Variants in CNBD1 observed in about 807,000 individuals in gnomAD.
The protein encoded by CNBD1 is cyclic nucleotide binding domain containing 1.
Under a neutral mutation model 54.4 loss-of-function variants are expected in CNBD1, and 71 were observed. The observed-to-expected ratio is 1.30, with a 90% confidence interval of 1.08 to 1.59. The LOEUF (loss-of-function observed/expected upper bound fraction) is 1.59, where lower values mean the gene tolerates loss of function less well. Among genes scored for constraint, CNBD1 ranks in the 40% most tolerant of loss-of-function variants. The probability of loss-of-function intolerance (pLI) is 0.00; values close to 1 mark genes in which losing one functional copy is unlikely to be tolerated. For missense variants in CNBD1, 659 were observed against 518.0 expected, an observed-to-expected ratio of 1.27 and a Z score of -2.64; for synonymous variants, 182 against 170.7, an observed-to-expected ratio of 1.07 and a Z score of -0.51.
At chr8:86,914,792 A>G (rs984727822) in intron 3 of CNBD1, among the ~76,000 whole-genome samples, 2 of 152,208 alleles carry the variant, frequency 1.3e-5, no homozygotes, top group African/African-American at 4.8e-5. Context: ...CACTCTCAGA[A>G]AGAAAAAAGA....
Position 87,408,733 on chromosome 8 carries a change from G to A in CNBD1, c.214-19813G>A, listed in dbSNP as rs530721394. Among the ~76,000 whole-genome samples the A allele has an allele frequency of 7.9e-5, 12 of 152,084 alleles. 1 individual carries two copies. In the Middle Eastern group the frequency reaches 0.014, roughly 172 times the overall value. ...AAGTATATGCTAATTTTGTGTCTCCGTGTCACATGTTAGTAATTCTCTCAG... is the reference window on the plus strand; with the variant it reads ...AAGTATATGCTAATTTTGTGTCTCCATGTCACATGTTAGTAATTCTCTCAG... On this transcript the variant is annotated intron_variant, in intron 2 of 7. Transcript: ENST00000521593.
intron 4 of CNBD1, among the ~76,000 whole-genome samples, chr8:87,060,429 C>T (rs1463390688): frequency 6.6e-6 from 1 of 152,118 alleles, no homozygotes; most frequent in Non-Finnish European, 1.5e-5. Context: ...GAGATAATTT[C>T]AACTTTAATT....
At chr8:87,331,225 CTG>C (rs1563556084) in intron 8 of CNBD1, among the ~76,000 whole-genome samples, 1 of 152,094 alleles carries the variant, frequency 6.6e-6, no homozygotes, top group African/African-American at 2.4e-5. Context: ...TTGCACCCCG[CTG>C]ACAGGTCCAG....
At chr8:87,241,381 C>T (rs1807702001) in intron 6 of CNBD1, among the ~76,000 whole-genome samples, 2 of 150,140 alleles carry the variant, frequency 1.3e-5, no homozygotes, top group East Asian at 3.9e-4. Context: ...CGTCATTCTC[C>T]TGCTTCAGCC....
chr8:86,867,021 A>G (rs79088351), intron 1 of CNBD1, among the ~76,000 whole-genome samples: 3,959 of 152,278 alleles, frequency 0.026, 169 homozygotes, highest in African/African-American at 0.091. Context: ...TGACAAGGAA[A>G]AAAAGATAAT....
chr8:87,007,456 G>C (rs970289419), intron 4 of CNBD1, among the ~76,000 whole-genome samples: 1 of 152,014 alleles, frequency 6.6e-6, no homozygotes, highest in Non-Finnish European at 1.5e-5. Flanking sequence ...GATGTAAAAA[G>C]TATATTTTGA....
chr8:86,871,215 T>C (rs962727375), intron 1 of CNBD1, among the ~76,000 whole-genome samples: 5 of 152,202 alleles, frequency 3.3e-5, no homozygotes, highest in African/African-American at 1.2e-4. Flanking sequence ...TGCAGTGCCT[T>C]GCAAATCACA....
At chr8:87,373,787 GT>G (rs1810868743) in intron 10 of CNBD1, among the ~76,000 whole-genome samples, 1 of 151,676 alleles carries the variant, frequency 6.6e-6, no homozygotes, top group Non-Finnish European at 1.5e-5. Flanking sequence ...TTTAGGATAA[GT>G]TTATATAAAA....
intron 10 of CNBD1, among the ~76,000 whole-genome samples, chr8:87,371,858 A>G (rs1164522791): frequency 6.6e-6 from 1 of 152,002 alleles, no homozygotes. Flanking sequence ...AGAGCTATCT[A>G]TGACAAACCC....
At chr8:87,269,549 G>A (rs561330289) in intron 6 of CNBD1, among the ~76,000 whole-genome samples, 4 of 152,192 alleles carry the variant, frequency 2.6e-5, no homozygotes, top group African/African-American at 9.6e-5. Context: ...TGCTATCCAC[G>A]AGCATGGAAT....
chr8:86,917,184 C>T (rs1809201001), intron 3 of CNBD1, among the ~76,000 whole-genome samples: 1 of 152,104 alleles, frequency 6.6e-6, no homozygotes. Context: ...ATTGAGGAAG[C>T]TGCACCTTCT....
intron 4 of CNBD1, among the ~76,000 whole-genome samples, chr8:87,085,344 T>G (rs550628267): frequency 1.3e-5 from 2 of 152,278 alleles, no homozygotes; most frequent in South Asian, 4.1e-4. Flanking sequence ...TTTCTCAAAT[T>G]TTGTACTTGA....
At chr8:86,981,047 G>A (rs1808475204) in intron 4 of CNBD1, among the ~76,000 whole-genome samples, 1 of 152,202 alleles carries the variant, frequency 6.6e-6, no homozygotes, top group African/African-American at 2.4e-5. Flanking sequence ...AATTGGGCAA[G>A]CTTTGGAAGC....
At chr8:87,169,067 T>G (rs1380651364) in intron 4 of CNBD1, among the ~76,000 whole-genome samples, 1 of 152,056 alleles carries the variant, frequency 6.6e-6, no homozygotes, top group African/African-American at 2.4e-5. Flanking sequence ...AGGGTTCCCT[T>G]TTCTCCATGT....
At chr8:87,293,597 G>C (rs952553007) in intron 8 of CNBD1, among the ~76,000 whole-genome samples, 7 of 152,026 alleles carry the variant, frequency 4.6e-5, no homozygotes, top group African/African-American at 1.7e-4. Flanking sequence ...TAACTACACT[G>C]TACTCCTTAC....
At chr8:87,006,898 C>A (rs183045641) in intron 4 of CNBD1, among the ~76,000 whole-genome samples, 235 of 152,252 alleles carry the variant, frequency 1.5e-3, no homozygotes, top group African/African-American at 5.1e-3. Context: ...GAACATTGTA[C>A]AATAAAACTT....
At chr8:87,198,231 G>A (rs1813761868) in intron 4 of CNBD1, among the ~76,000 whole-genome samples, 1 of 152,118 alleles carries the variant, frequency 6.6e-6, no homozygotes, top group Non-Finnish European at 1.5e-5. Flanking sequence ...AAGCCAGCAG[G>A]CTTGCAGCCA....
chr8:87,092,469 G>GTA (rs1199495623), intron 4 of CNBD1, among the ~76,000 whole-genome samples: 2,214 of 144,820 alleles, frequency 0.015, 77 homozygotes, highest in African/African-American at 0.053. Context: ...GTGTGTGTGT[G>GTA]TATATATATA....
intron 8 of CNBD1, among the ~76,000 whole-genome samples, chr8:87,332,817 G>A (rs1483798169): frequency 6.6e-6 from 1 of 152,118 alleles, no homozygotes; most frequent in African/African-American, 2.4e-5. Context: ...GATGCCTCCA[G>A]CTTTGTTCTT....
Sources: gnomAD v4.1 joint callset for allele counts (sites outside exome capture counted in the v4.1 genomes callset) on GRCh38, gnomAD v4.1.1 for gene constraint, MANE v1.5 for transcripts, NCBI Gene and HGNC (gene_info 2026-07-23, HGNC 2026-07-21) for gene names.